MME: variants seen among roughly 807,000 people sequenced by gnomAD.
MME encodes the protein membrane metalloendopeptidase.
MME carries 98 observed loss-of-function variants against 113.2 expected under a neutral mutation model. That is an observed-to-expected ratio of 0.87 (90% confidence interval 0.74 to 1.02). The LOEUF is 1.02. Ranked by LOEUF, MME falls within the 50% of genes least tolerant of loss-of-function variation. The pLI, the probability that MME is intolerant of heterozygous loss-of-function variation, is 0.00. For synonymous variants in MME, 292 were observed against 300.6 expected (o/e 0.97, Z 0.30); for missense variants, 836 against 896.0 (o/e 0.93, Z 0.86).
intron 3 of MME, among the ~76,000 whole-genome samples, chr3:155,102,790 A>G (rs1417213609): frequency 1.3e-5 from 2 of 152,148 alleles, no homozygotes; most frequent in Non-Finnish European, 2.9e-5. Flanking sequence ...GACAAAGACC[A>G]GGCCTCTGCT....
intron 1 of MME, among the ~76,000 whole-genome samples, chr3:155,063,362 TATATATATTTATATATAA>T (rs1349104152): frequency 9.4e-6 from 1 of 106,032 alleles, no homozygotes; most frequent in Non-Finnish European, 1.7e-5. Context: ...ATATTATATT[TATATATATTTATATATAA>T]ATATATATTT....
At chr3:155,075,026 T>G (rs1576684879), upstream of MME, among the ~76,000 whole-genome samples, 4 of 152,054 alleles carry the variant, frequency 2.6e-5, no homozygotes, top group Middle Eastern at 0.014. Context: ...ATTTGTGCAC[T>G]TGACATATCA....
At chr3:155,164,325 T>C (rs956296999) in intron 17 of MME, among the ~76,000 whole-genome samples, 3 of 152,122 alleles carry the variant, frequency 2.0e-5, no homozygotes, top group Non-Finnish European at 2.9e-5. Flanking sequence ...TTTTGCTTCA[T>C]GGCCCAATGA....
chr3:155,040,630 G>T (rs919696146), intron 1 of MME, among the ~76,000 whole-genome samples: 1 of 151,946 alleles, frequency 6.6e-6, no homozygotes, highest in African/African-American at 2.4e-5. Flanking sequence ...CAGTACAGTA[G>T]ATGTAATAAA....
At chr3:155,048,593 G>A (rs1713647312) in intron 1 of MME, among the ~76,000 whole-genome samples, 1 of 151,970 alleles carries the variant, frequency 6.6e-6, no homozygotes, top group Admixed American at 6.6e-5. Flanking sequence ...TAAAATTAGA[G>A]GGAGTCTGAA....
At chr3:155,056,270 T>C (rs1342655182) in intron 1 of MME, among the ~76,000 whole-genome samples, 3 of 151,684 alleles carry the variant, frequency 2.0e-5, no homozygotes, top group East Asian at 3.9e-4. Flanking sequence ...GCTGGTGTGC[T>C]GCACCCATTA....
At chr3:155,177,913 A>G (rs943875447) in intron 22 of MME, among the ~76,000 whole-genome samples, 1 of 152,092 alleles carries the variant, frequency 6.6e-6, no homozygotes, top group African/African-American at 2.4e-5. Flanking sequence ...TGAGATCCCT[A>G]CAGTCCAAAT....
chr3:155,125,618 G>A (rs1055810986), intron 8 of MME, among the ~76,000 whole-genome samples: 4 of 151,354 alleles, frequency 2.6e-5, no homozygotes, highest in Non-Finnish European at 5.9e-5. Context: ...CCGCCACCGC[G>A]CCCAGCTAAT....
intron 1 of MME, among the ~76,000 whole-genome samples, chr3:155,039,924 A>G (rs1203470195): frequency 6.6e-6 from 1 of 151,834 alleles, no homozygotes; most frequent in African/African-American, 2.4e-5. Flanking sequence ...TATAATTTTG[A>G]AATAAAGATA....
At chr3:155,061,375 A>C (rs189240724) in intron 1 of MME, among the ~76,000 whole-genome samples, 81 of 147,264 alleles carry the variant, frequency 5.5e-4, no homozygotes, top group Middle Eastern at 3.6e-3. Flanking sequence ...GGCGTGAACC[A>C]GGGAGGCGGA....
At chr3:155,082,064 C>G (rs537478571) in intron 1 of MME, 60 of 152,258 alleles carry the variant, frequency 3.9e-4, no homozygotes, top group African/African-American at 1.3e-3. Flanking sequence ...AGTACCCAGT[C>G]TCAAGGGTAA....
chr3:155,171,006 C>G (rs1197345634), intron 20 of MME, among the ~76,000 whole-genome samples: 1 of 152,132 alleles, frequency 6.6e-6, no homozygotes, highest in Non-Finnish European at 1.5e-5. Context: ...CCCTATCATT[C>G]CATCTTGGCT....
At chr3:155,180,331 G>A (rs1712956817) in intron 22 of MME, 29 bp from the exon 23 acceptor site, 1 of 1,549,318 alleles carries the variant, frequency 6.5e-7, no homozygotes, top group Non-Finnish European at 8.9e-7. Context: ...ATCAAATGCT[G>A]ACGGTGACTT....
chr3:155,035,438 A>T (rs1713098327), intron 1 of MME, among the ~76,000 whole-genome samples: 1 of 152,036 alleles, frequency 6.6e-6, no homozygotes, highest in African/African-American at 2.4e-5. Flanking sequence ...CATGTGATGA[A>T]AAATCAAGAA....
chr3:155,113,306 G>GTC (rs1718339081), intron 3 of MME, among the ~76,000 whole-genome samples: 1 of 152,152 alleles, frequency 6.6e-6, no homozygotes. Context: ...TTCTGAGATA[G>GTC]TCTCTCTCTG....
chr3:155,106,842 C>A, intron 3 of MME, among the ~76,000 whole-genome samples: 1 of 152,178 alleles, frequency 6.6e-6, no homozygotes, highest in East Asian at 1.9e-4. Flanking sequence ...AAGGTCTTTA[C>A]AAAAGAGCAT....
chr3:155,148,794 A>G (rs1721715097), intron 16 of MME, 141 bp downstream of exon 16: 9 of 678,626 alleles, frequency 1.3e-5, no homozygotes, highest in Non-Finnish European at 2.4e-5. Context: ...TTCTAAAAGC[A>G]TCTAATTATG....
intron 10 of MME, among the ~76,000 whole-genome samples, chr3:155,141,608 T>A (rs1244397966): frequency 1.3e-5 from 2 of 152,206 alleles, no homozygotes; most frequent in African/African-American, 2.4e-5. Flanking sequence ...GAATTGTTTA[T>A]TAATACCCAC....
chr3:155,093,954 T>C (rs1361323361), intron 3 of MME, among the ~76,000 whole-genome samples: 4 of 152,194 alleles, frequency 2.6e-5, no homozygotes, highest in Non-Finnish European at 4.4e-5. Context: ...ATAAACTTGC[T>C]TCATCAGCTT....
Sources: gnomAD v4.1 joint callset for allele counts (sites outside exome capture counted in the v4.1 genomes callset) on GRCh38, gnomAD v4.1.1 for gene constraint, MANE v1.5 for transcripts, NCBI Gene and HGNC (gene_info 2026-07-23, HGNC 2026-07-21) for gene names.